SMPDL3B: variants seen among roughly 807,000 people sequenced by gnomAD.
The protein encoded by SMPDL3B is acid sphingomyelinase-like phosphodiesterase 3b.
SMPDL3B carries 31 observed loss-of-function variants against 37.9 expected under a neutral mutation model. That is an observed-to-expected ratio of 0.82 (90% CI 0.61 to 1.10). The LOEUF (loss-of-function observed/expected upper bound fraction) is 1.10, where lower values mean the gene tolerates loss of function less well. SMPDL3B is among the 50% of genes least tolerant of loss of function. The probability of loss-of-function intolerance (pLI) is 0.00; values close to 1 mark genes in which losing one functional copy is unlikely to be tolerated. For synonymous variants in SMPDL3B, 235 were observed against 242.6 expected, an observed-to-expected ratio of 0.97 and a Z score of 0.29; for missense variants, 525 against 597.8, an observed-to-expected ratio of 0.88 and a Z score of 1.27.
chr1:27,955,606 T>A (rs1349671054), intron 5 of SMPDL3B, 78 bp from the exon 6 acceptor site: 1 of 1,432,566 alleles, frequency 7.0e-7, no homozygotes, highest in Non-Finnish European at 9.6e-7. Flanking sequence ...TTTGGGGCAA[T>A]TTGCAGGTTT....
intron 7 of SMPDL3B, 172 bp downstream of exon 7, chr1:27,956,254 GAGTCAGGGCAGTGCCTCACCA>G: frequency 3.9e-6 from 6 of 1,545,878 alleles, no homozygotes; most frequent in Non-Finnish European, 5.2e-6. Flanking sequence ...ACCTGCCACC[GAGTCAGGGCAGTGCCTCACCA>G]AGTCACCTTT....
At position 27,955,601 on chromosome 1, in the gene SMPDL3B, G is replaced by T. The variant is rs2090492985; in HGVS notation, c.691-83G>T. The T allele has an allele frequency of 1.4e-5, 20 of 1,398,812 alleles. No individual in the cohort carries two copies. In the South Asian group the frequency reaches 2.4e-4, roughly 17 times the overall value. 86.7% of individuals were successfully genotyped at this position (1,398,812 alleles called of 1,614,324 possible). On this transcript the variant is annotated intron_variant, in intron 5 of 7. Transcript: ENST00000373894. ...TTTGGGCCTGTCTACCTGCCTTTGG[G>T]GCAATTTGCAGGTTTTGAGAAGTAG...
In SMPDL3B at chr1:27,955,791, T is replaced by C; in HGVS notation, c.798T>C (p.His266=). ...AATACCTGAAGGTGGTCCGGAAGCATCATCGCGTCATAGCAGGGCAGTTCT... is the reference window on the plus strand; with the variant it reads ...AATACCTGAAGGTGGTCCGGAAGCACCATCGCGTCATAGCAGGGCAGTTCT... ...NEKYLKVVRK[H]HRVIAGQFFG... Residue 266 remains histidine (H), a synonymous_variant, in exon 6 of 8, where the codon CAT becomes CAC. Transcript: ENST00000373894. The C allele has an allele frequency of 1.9e-6, 3 of 1,614,018 alleles. No individual in the cohort carries two copies. Among genetic ancestry groups the C allele is most frequent in the East Asian group, 2.2e-5 (1 of 44,858 alleles).
In SMPDL3B at chr1:27,956,063, G is replaced by C. The variant is rs148523241; in HGVS notation, c.986G>C (p.Arg329Pro). 11 of 1,613,996 alleles carry C rather than the reference G, an allele frequency of 6.8e-6. No homozygotes were observed. The African/African-American group carries it at 1.5e-4, about 22-fold the overall frequency. Residue 329 changes from arginine to proline, a missense_variant, in exon 7 of 8, where the codon CGA (arginine) becomes CCA (proline). Transcript: ENST00000373894. ...GCCATCCGGGTGTTCGAATATGACCGAGCCACACTGAGCCTGAAGGTCAGG... is the reference window on the plus strand; with the variant it reads ...GCCATCCGGGTGTTCGAATATGACCCAGCCACACTGAGCCTGAAGGTCAGG... The part of the protein sequence containing the change: ...NPAIRVFEYD[R>P]ATLSLKDMVT...
Position 27,954,525 on chromosome 1 carries a change from T to A in SMPDL3B, c.689T>A (p.Met230Lys). ...ACCGATGCATCCAAAGCTGGGGACATGGTAAGAGGCCCTGCTTCTTTCTTT... is the reference window on the plus strand; with the variant it reads ...ACCGATGCATCCAAAGCTGGGGACAAGGTAAGAGGCCCTGCTTCTTTCTTT... ...VLTDASKAGD[M>K]VYIVGHVPPG... is the part of the protein sequence containing the mutation. Residue 230 changes from methionine to lysine, a missense_variant and splice_region_variant, in exon 5 of 8, where the codon ATG becomes AAG. Physicochemically the swap from Met to Lys is moderately conservative, Grantham distance 95. Coordinates refer to ENST00000373894, the MANE Select transcript of SMPDL3B (RefSeq NM_014474.4). 2 of 1,613,534 alleles carry A rather than the reference T, an allele frequency of 1.2e-6. No individual in the cohort carries two copies. The highest frequency in any genetic ancestry group is 1.7e-6 in the Non-Finnish European group (2 of 1,179,790).
Position 27,958,992 on chromosome 1 carries a change from C to A in SMPDL3B, c.*154C>A. The stretch of plus-strand genomic sequence containing the variant: ...GCGAAGCCCCAGGAGCTGCAGCCAT[C>A]CGTGATCGCGCCACTGCACTCCAGC... On this transcript the variant is annotated 3_prime_UTR_variant, in exon 8 of 8. Coordinates refer to ENST00000373894, the MANE Select transcript of SMPDL3B (RefSeq NM_014474.4). This position sits in a 1 kb window ranked among gnomAD's most constrained non-coding sequence, Gnocchi z 5.6. The A allele has an allele frequency of 1.1e-6, 1 of 910,798 alleles. No homozygotes were observed. Among genetic ancestry groups the A allele is most frequent in the Non-Finnish European group, 1.6e-6 (1 of 622,528 alleles). 56.4% of individuals were successfully genotyped at this position (910,798 alleles called of 1,614,324 possible). A position where few individuals can be genotyped will look rare whatever the true frequency, so the allele number is the denominator to read the frequency against.
At chr1:27,955,018 G>A (rs1357139208) in intron 5 of SMPDL3B, among the ~76,000 whole-genome samples, 3 of 152,208 alleles carry the variant, frequency 2.0e-5, no homozygotes, top group African/African-American at 4.8e-5. Flanking sequence ...CATGCACTAT[G>A]CCAACATTGG....
In SMPDL3B at chr1:27,958,651, T is replaced by C; in HGVS notation, c.1181T>C (p.Val394Ala). The part of the protein sequence containing the change: ...GDQSTLQRYY[V>A]YNSVSYSAGV... ...CAGAGCACACTGCAGCGCTACTACG[T>C]CTATAACTCAGTCAGCTACTCTGCT... Residue 394 changes from valine (V) to alanine (A), a missense_variant, in exon 8 of 8, where the codon GTC becomes GCC. By Grantham distance (64) the Val-to-Ala change is moderately conservative. Coordinates refer to ENST00000373894, the MANE Select transcript of SMPDL3B (RefSeq NM_014474.4). The surrounding 1 kb of genome is among the most constrained non-coding windows in gnomAD (Gnocchi z 5.6). 6.2e-7 allele frequency: 1 copy of C among 1,613,946 alleles called. No homozygotes were observed. The highest frequency in any genetic ancestry group is 2.2e-5 in the East Asian group (1 of 44,880).
intron 4 of SMPDL3B, 106 bp downstream of exon 4, chr1:27,953,464 T>G: frequency 9.5e-7 from 1 of 1,053,054 alleles, no homozygotes; most frequent in Non-Finnish European, 1.3e-6. Flanking sequence ...ATCCCCAATT[T>G]ACAGATAAGG....
At chr1:27,956,431 A>G in intron 7 of SMPDL3B, 1 of 1,277,310 alleles carries the variant, frequency 7.8e-7, no homozygotes, top group Non-Finnish European at 1.0e-6. Flanking sequence ...AAAAACCTTC[A>G]GTGGCTCCCC....
rs765917801 is a variant in SMPDL3B at position 27,945,326 on chromosome 1, AGT to A, written c.158_159del (p.Val53AlafsTer8). Reference protein sequence around the residue: ...QVCPSAGSQPVPDAGPWGDYL... With the variant: ...QVCPSAGSQPXPDAGPWGDYL... ...TGTGCCCATCAGCTGGATCCCAGCC[AGT>A]GCCCGACGCAGGCCCCTGGGGTGAC... On this transcript the variant is annotated frameshift_variant, in exon 2 of 8. Coordinates refer to ENST00000373894, the MANE Select transcript of SMPDL3B (RefSeq NM_014474.4). LOFTEE classifies it high-confidence loss of function. The surrounding 1 kb of genome is among the most constrained non-coding windows in gnomAD (Gnocchi z 4.0). 1 of 1,614,202 alleles carries A rather than the reference AGT, an allele frequency of 6.2e-7. No homozygotes were observed. The highest frequency in any genetic ancestry group is 8.5e-7 in the Non-Finnish European group (1 of 1,180,034).
rs2090395853 is a variant in SMPDL3B at position 27,945,213 on chromosome 1, G to C, written c.62-19G>C. On this transcript the variant is annotated intron_variant, in intron 1 of 7. Coordinates refer to ENST00000373894, the MANE Select transcript of SMPDL3B (RefSeq NM_014474.4). This position sits in a 1 kb window ranked among gnomAD's most constrained non-coding sequence, Gnocchi z 4.0. Reference sequence around the variant, plus strand: ...GAGAGAGAGACCAGCTTTGAAGGAGGATGTTTTTTCCCCTGCAGGGAAGTT... The same window carrying C: ...GAGAGAGAGACCAGCTTTGAAGGAGCATGTTTTTTCCCCTGCAGGGAAGTT... 1 of 1,612,576 alleles carries C rather than the reference G, an allele frequency of 6.2e-7. No individual in the cohort carries two copies.
At chr1:27,942,482 T>C (rs920749503) in intron 1 of SMPDL3B, 3 of 384,298 alleles carry the variant, frequency 7.8e-6, no homozygotes, top group Non-Finnish European at 1.6e-5. Flanking sequence ...TGTCACTGTA[T>C]TCTTTTTAAT....
At chr1:27,941,841 C>T (rs1247005206) in intron 1 of SMPDL3B, among the ~76,000 whole-genome samples, 2 of 152,126 alleles carry the variant, frequency 1.3e-5, no homozygotes, top group African/African-American at 2.4e-5. Context: ...CTGACAAGGT[C>T]GCTGGGATCT....
At chr1:27,952,571 A>G (rs757298527) in intron 3 of SMPDL3B, among the ~76,000 whole-genome samples, 14 of 152,220 alleles carry the variant, frequency 9.2e-5, no homozygotes, top group African/African-American at 3.4e-4. Context: ...CTACACCTCC[A>G]GGCCTCATTC....
intron 7 of SMPDL3B, among the ~76,000 whole-genome samples, chr1:27,957,320 G>T (rs1362975192): frequency 6.6e-6 from 1 of 152,118 alleles, no homozygotes; most frequent in Non-Finnish European, 1.5e-5. Flanking sequence ...TTGCTAGAGT[G>T]GATATGAGCT....
At chr1:27,940,520 A>T (rs2090348348) in intron 1 of SMPDL3B, among the ~76,000 whole-genome samples, 2 of 152,008 alleles carry the variant, frequency 1.3e-5, no homozygotes, top group Admixed American at 1.3e-4. Flanking sequence ...TTGATTTTAC[A>T]GAGGAGGAAA....
intron 1 of SMPDL3B, among the ~76,000 whole-genome samples, chr1:27,942,008 C>T (rs1228211447): frequency 6.6e-6 from 1 of 152,114 alleles, no homozygotes; most frequent in East Asian, 1.9e-4. Flanking sequence ...TGCACACACA[C>T]AGACACACAC....
At chr1:27,957,155 CTG>C (rs2148682361) in intron 7 of SMPDL3B, among the ~76,000 whole-genome samples, 1 of 152,156 alleles carries the variant, frequency 6.6e-6, no homozygotes, top group East Asian at 1.9e-4. Flanking sequence ...ATCATGTCTG[CTG>C]TGCAGGGAAC....
Sources: gnomAD v4.1 joint callset for allele counts (sites outside exome capture counted in the v4.1 genomes callset) on GRCh38, gnomAD v4.1.1 for gene constraint, Gnocchi (gnomAD v3.1) non-coding constraint, MANE v1.5 for transcripts, NCBI Gene and HGNC (gene_info 2026-07-23, HGNC 2026-07-21) for gene names.